The following TMEM131 variants were observed in gnomAD, a reference collection of about 807,000 sequenced individuals.
TMEM131 encodes transmembrane protein 131, also known as 2610524E03Rik.
In TMEM131, 66 loss-of-function variants were observed where a neutral mutation model predicts 211.6. The ratio of observed to expected loss-of-function variants is 0.31; its 90% CI spans 0.26 to 0.38. The LOEUF (loss-of-function observed/expected upper bound fraction) is 0.38. Ranked by LOEUF, TMEM131 falls within the 10% of genes least tolerant of loss-of-function variation. TMEM131 has a pLI of 1.00. For missense variants in TMEM131, 2,036 were observed against 2,299.3 expected (o/e 0.89, Z 2.34); for synonymous variants, 844 against 841.3 (o/e 1.00, Z -0.06).
In TMEM131 at chr2:97,796,867, G is replaced by A. The variant is rs377669758; in HGVS notation, c.2990C>T (p.Ala997Val). 3.8e-5 allele frequency: 62 copies of A among 1,613,758 alleles called. No individual in the cohort carries two copies. Among genetic ancestry groups the A allele is most frequent in the Non-Finnish European group, 5.0e-5 (59 of 1,179,830 alleles). The change falls in exon 27 of 41, where the codon GCA becomes GTA. Residue 997 changes from alanine (A) to valine (V), a missense_variant. Ala to Val is a moderately conservative substitution (Grantham distance 64). Transcript: ENST00000186436. ...ACTATCTGTACAATCTTTTAACAAT[G>A]CTTCCGTGATTTTAAAGCGTAAGGA... is the stretch of plus-strand genomic sequence containing the variant. ...GSSLRFKITE[A>V]LLKDCTDSLK...
intron 35 of TMEM131, chr2:97,762,619 C>T (rs1004641076): frequency 7.1e-5 from 13 of 182,480 alleles, no homozygotes; most frequent in Non-Finnish European, 1.0e-4. Flanking sequence ...TAAAGCCTCT[C>T]CATTGGCGTG....
intron 25 of TMEM131, among the ~76,000 whole-genome samples, chr2:97,798,049 G>A (rs991211168): frequency 1.9e-4 from 29 of 152,204 alleles, no homozygotes; most frequent in African/African-American, 6.5e-4. Context: ...AGGCTGCACC[G>A]AATGTTTAAA....
chr2:97,834,842 T>A lies in TMEM131; in HGVS notation c.888A>T (p.Arg296Ser). The change falls in exon 9 of 41, where the codon AGA (arginine) becomes AGT (serine). Residue 296 changes from arginine (R) to serine (S), a missense_variant. By Grantham distance (110) the Arg-to-Ser change is moderately radical (BLOSUM62 -1). Transcript: ENST00000186436. ...READNHTAFIRIKTNASDSTE... is the reference protein window; with the variant it reads ...READNHTAFISIKTNASDSTE... ...TGCTGTCTGAAGCATTAGTCTTTAT[T>A]CTTATGAAGGCTGTGTGATTATCTG... 6.2e-7 allele frequency: 1 copy of A among 1,613,856 alleles called. No homozygotes were observed.
intron 8 of TMEM131, among the ~76,000 whole-genome samples, chr2:97,836,573 C>T (rs1428598290): frequency 6.6e-6 from 1 of 152,178 alleles, no homozygotes; most frequent in African/African-American, 2.4e-5. Context: ...TGAAGGTGAA[C>T]ACAGATCACC....
At chr2:97,792,333 G>T in intron 31 of TMEM131, 53 bp downstream of exon 31, 1 of 1,403,108 alleles carries the variant, frequency 7.1e-7, no homozygotes, top group South Asian at 1.4e-5. Context: ...CCTTAAGCAC[G>T]CACTGGCTTT....
intron 3 of TMEM131, among the ~76,000 whole-genome samples, chr2:97,903,585 T>C (rs60567628): frequency 3.3e-5 from 5 of 152,158 alleles, no homozygotes; most frequent in African/African-American, 1.2e-4. Context: ...CCTGATAGGA[T>C]GCATTGGGAG....
chr2:97,795,548 T>C (rs974676543), intron 28 of TMEM131, among the ~76,000 whole-genome samples: 3 of 152,356 alleles, frequency 2.0e-5, no homozygotes, highest in Admixed American at 2.0e-4. Flanking sequence ...ATTCTATTTT[T>C]ATTTTTTGCT....
At chr2:97,767,495 C>T (rs182239222) in intron 33 of TMEM131, among the ~76,000 whole-genome samples, 3 of 152,184 alleles carry the variant, frequency 2.0e-5, no homozygotes, top group African/African-American at 4.8e-5. Flanking sequence ...GGAGGACCTC[C>T]GGAAGGAGCT....
chr2:97,843,861 A>G (rs1683308441), intron 6 of TMEM131, among the ~76,000 whole-genome samples: 1 of 152,224 alleles, frequency 6.6e-6, no homozygotes, highest in Non-Finnish European at 1.5e-5. Context: ...GTGTAAAAGT[A>G]AAAATTAAAC....
At chr2:97,956,375 C>G (rs921835364) in intron 1 of TMEM131, among the ~76,000 whole-genome samples, 5 of 151,998 alleles carry the variant, frequency 3.3e-5, no homozygotes, top group African/African-American at 1.2e-4. Context: ...TTACAATGGC[C>G]CATCAGATAA....
In TMEM131 at chr2:97,762,049, G is replaced by T; in HGVS notation, c.4875C>A (p.Asn1625Lys). 2.5e-6 allele frequency: 4 copies of T among 1,575,558 alleles called. No individual in the cohort carries two copies. The highest frequency in any genetic ancestry group is 3.4e-6 in the Non-Finnish European group (4 of 1,166,172). The change falls in exon 36 of 41, where the codon AAC becomes AAA. Residue 1625 changes from asparagine to lysine, a missense_variant. Asn to Lys is a moderately conservative substitution (Grantham distance 94, BLOSUM62 0). Coordinates refer to ENST00000186436, the MANE Select transcript of TMEM131 (RefSeq NM_015348.2). Reference sequence around the variant, plus strand: ...AGCAGGCCTACCTGCTGGAGCTGCTGTTGACGATGCTGCTGTAGCTGCCCC... The same window carrying T: ...AGCAGGCCTACCTGCTGGAGCTGCTTTTGACGATGCTGCTGTAGCTGCCCC... Reference protein sequence around the residue: ...VARGSYSSIVNSSSSSDPKIK... With the variant: ...VARGSYSSIVKSSSSSDPKIK...
chr2:97,981,991 T>A (rs1171082022), intron 1 of TMEM131, among the ~76,000 whole-genome samples: 1 of 152,252 alleles, frequency 6.6e-6, no homozygotes, highest in Non-Finnish European at 1.5e-5. Context: ...CTGCTATGAA[T>A]GTTCCTGCAC....
intron 7 of TMEM131, among the ~76,000 whole-genome samples, chr2:97,841,022 T>C (rs545900924): frequency 6.6e-6 from 1 of 152,206 alleles, no homozygotes; most frequent in Non-Finnish European, 1.5e-5. Context: ...CCACAAAATA[T>C]AGTATTTTTC....
chr2:97,969,393 T>A (rs1204880816), intron 1 of TMEM131, among the ~76,000 whole-genome samples: 4 of 152,130 alleles, frequency 2.6e-5, no homozygotes, highest in Non-Finnish European at 2.9e-5. Context: ...CCCCAACACC[T>A]CCTTCCCTGA....
chr2:97,796,339 G>C lies in TMEM131; in HGVS notation c.3079C>G (p.Leu1027Val). 6.4e-7 allele frequency: 1 copy of C among 1,553,816 alleles called. No individual in the cohort carries two copies. ...RTFKVENTGQ[L>V]QIHIETIEIS... ...TCAATGGTTTCTATGTGAATTTGAAGTTGTCCTGTATTCTCTACCTTAAAT... is the reference window on the plus strand; with the variant it reads ...TCAATGGTTTCTATGTGAATTTGAACTTGTCCTGTATTCTCTACCTTAAAT... Residue 1027 changes from leucine (L) to valine (V), a missense_variant, in exon 28 of 41, where the codon CTT becomes GTT. Coordinates refer to ENST00000186436, the MANE Select transcript of TMEM131 (RefSeq NM_015348.2).
chr2:97,832,374 C>T (rs1342349358), intron 11 of TMEM131, among the ~76,000 whole-genome samples: 1 of 152,176 alleles, frequency 6.6e-6, no homozygotes, highest in Admixed American at 6.5e-5. Flanking sequence ...TAAGTAAAGG[C>T]ACTTTCCCAT....
At chr2:97,889,096 TAATTC>T (rs943759798) in intron 3 of TMEM131, among the ~76,000 whole-genome samples, 2 of 152,250 alleles carry the variant, frequency 1.3e-5, no homozygotes, top group African/African-American at 4.8e-5. Context: ...AATTTGGCTT[TAATTC>T]AATTCTATAA....
At chr2:97,839,787 G>A (rs1199472283) in intron 7 of TMEM131, among the ~76,000 whole-genome samples, 1 of 152,218 alleles carries the variant, frequency 6.6e-6, no homozygotes, top group African/African-American at 2.4e-5. Context: ...CACCCTAGCT[G>A]AATTAAAGAG....
chr2:97,778,449 G>A (rs983255595), intron 31 of TMEM131, among the ~76,000 whole-genome samples: 1 of 152,082 alleles, frequency 6.6e-6, no homozygotes, highest in Non-Finnish European at 1.5e-5. Flanking sequence ...TACTTGGGAG[G>A]CTGAGGCAGG....
Sources: allele counts gnomAD v4.1 joint callset (sites outside exome capture counted in the v4.1 genomes callset), GRCh38; gene constraint gnomAD v4.1.1; transcripts MANE v1.5; gene names NCBI Gene and HGNC (gene_info 2026-07-23, HGNC 2026-07-21).